The following HPN variants were observed in gnomAD, a reference collection of about 807,000 sequenced individuals.
The protein encoded by HPN is hepsin.
A neutral mutation model predicts 55.9 loss-of-function variants in HPN; 13 were observed. The observed-to-expected ratio is 0.23, with a 90% confidence interval of 0.15 to 0.37. HPN has a LOEUF of 0.37. Among genes scored for constraint, HPN ranks in the 10% least tolerant of loss-of-function variants. The probability of loss-of-function intolerance (pLI) is 1.00; values close to 1 mark genes in which losing one functional copy is unlikely to be tolerated. For synonymous variants in HPN, 225 were observed against 240.3 expected (o/e 0.94, Z 0.59); for missense variants, 451 against 575.8 (o/e 0.78, Z 2.22).
intron 4 of HPN, among the ~76,000 whole-genome samples, chr19:35,054,156 G>A (rs1008889231): frequency 6.6e-6 from 1 of 152,186 alleles, no homozygotes; most frequent in Non-Finnish European, 1.5e-5. Context: ...AGTGGCTCAC[G>A]CCTGTAATCC....
At chr19:35,059,368 G>A in intron 4 of HPN, 1 of 505,402 alleles carries the variant, frequency 2.0e-6, no homozygotes, top group South Asian at 1.9e-5. Flanking sequence ...TGTGGTCCTA[G>A]CTACTCAGGA....
chr19:35,042,399 ACTGGG>A (rs2064303361), intron 1 of HPN, 49 bp from the exon 2 acceptor site: 1 of 1,508,998 alleles, frequency 6.6e-7, no homozygotes, highest in Non-Finnish European at 8.9e-7. Context: ...GGGCGCCAGG[ACTGGG>A]CTGGGCTGGG....
chr19:35,064,575 C>T (rs1261758982), intron 9 of HPN, among the ~76,000 whole-genome samples: 1 of 151,876 alleles, frequency 6.6e-6, no homozygotes, highest in Non-Finnish European at 1.5e-5. Context: ...CTGCAGTGAG[C>T]CATGTTCCTG....
chr19:35,066,412 TC>T lies in HPN; in HGVS notation c.*127del. 1 of 1,312,378 alleles carries T rather than the reference TC, an allele frequency of 7.6e-7. No homozygotes were observed. The highest frequency in any genetic ancestry group is 1.0e-6 in the Non-Finnish European group (1 of 956,498). 81.3% of individuals were successfully genotyped at this position (1,312,378 alleles called of 1,614,324 possible). On this transcript the variant is annotated 3_prime_UTR_variant, in exon 13 of 13. Coordinates refer to ENST00000672452, the MANE Select transcript of HPN (RefSeq NM_001384133.1). Reference sequence around the variant, plus strand: ...TCCACAGGTCCAAGGACACCCTCCCTCCAGGGTCCTCTCTTCCACAGTGGCG... The same window carrying T: ...TCCACAGGTCCAAGGACACCCTCCCTCAGGGTCCTCTCTTCCACAGTGGCG...
At chr19:35,055,418 CAGGGAGAAGGAAAGGA>C (rs921023035) in intron 4 of HPN, among the ~76,000 whole-genome samples, 5 of 148,660 alleles carry the variant, frequency 3.4e-5, no homozygotes, top group African/African-American at 1.2e-4. Context: ...AAAAAAGTGG[CAGGGAGAAGGAAAGGA>C]AAGGACAAAG....
At chr19:35,043,592 G>A (rs757642565) in intron 2 of HPN, among the ~76,000 whole-genome samples, 1 of 152,222 alleles carries the variant, frequency 6.6e-6, no homozygotes, top group Non-Finnish European at 1.5e-5. Flanking sequence ...AGGAAGCACT[G>A]AGCGTGTTGG....
chr19:35,040,729 G>A (rs66878130), upstream of HPN, among the ~76,000 whole-genome samples: 21,965 of 152,176 alleles, frequency 0.14, 1,723 homozygotes, highest in Middle Eastern at 0.28. Context: ...TCTCTGGAGA[G>A]GTGGGCGCTG....
At chr19:35,059,400 T>C in intron 4 of HPN, 1 of 567,684 alleles carries the variant, frequency 1.8e-6, no homozygotes, top group Admixed American at 2.5e-5. Flanking sequence ...GAGGATTTCT[T>C]GAGTCTGGGA....
chr19:35,054,389 G>C (rs911673875), intron 4 of HPN, among the ~76,000 whole-genome samples: 1 of 147,564 alleles, frequency 6.8e-6, no homozygotes, highest in Non-Finnish European at 1.5e-5. Context: ...CTGCACTCCA[G>C]CCTGAGCAAC....
At position 35,059,945 on chromosome 19, in the gene HPN, A is replaced by C. The variant is rs372299007; in HGVS notation, c.362A>C (p.Asp121Ala). 1.8e-5 allele frequency: 28 copies of C among 1,542,546 alleles called. No homozygotes were observed. The highest frequency in any genetic ancestry group is 2.4e-5 in the Non-Finnish European group (28 of 1,145,426). The change falls in exon 6 of 13, where the codon GAC becomes GCC. Residue 121 changes from aspartate to alanine, a missense_variant. This residue lies in a region of HPN where 378 missense variants were observed against 445.5 expected (regional missense o/e 0.85). Coordinates refer to ENST00000672452, the MANE Select transcript of HPN (RefSeq NM_001384133.1). ...ANGTSGFFCV[D>A]EGRLPHTQRL... is the part of the protein sequence containing the mutation. ...GGCACGTCGGGCTTCTTCTGTGTGG[A>C]CGAGGGGAGGCTGCCCCACACCCAG...
upstream of HPN, among the ~76,000 whole-genome samples, chr19:35,040,919 G>A (rs2064287170): frequency 6.6e-6 from 1 of 152,196 alleles, no homozygotes; most frequent in South Asian, 2.1e-4. Flanking sequence ...TGTGCGGGTG[G>A]CCTATCTGGG....
In HPN at chr19:35,057,254, G is replaced by A. The variant is rs191775445; in HGVS notation, c.161-2419G>A. 2.1e-3 allele frequency among the ~76,000 whole-genome samples: 314 copies of A among 151,564 alleles called. 1 individual carries two copies. Among genetic ancestry groups the A allele is most frequent in the African/African-American group, 7.1e-3 (296 of 41,414 alleles). Reference sequence around the variant, plus strand: ...AGCCTGGCCAACATGGTGAAACCCCGTGTCTACTAAAAATACAAAAAATTA... The same window carrying A: ...AGCCTGGCCAACATGGTGAAACCCCATGTCTACTAAAAATACAAAAAATTA... On this transcript the variant is annotated intron_variant, in intron 4 of 12. Transcript: ENST00000672452.
intron 12 of HPN, 99 bp downstream of exon 12, chr19:35,066,131 C>G: frequency 6.2e-7 from 1 of 1,612,888 alleles, no homozygotes; most frequent in Non-Finnish European, 8.5e-7. Flanking sequence ...ACGCTCAGGC[C>G]TAGAAGAGGG....
intron 2 of HPN, among the ~76,000 whole-genome samples, chr19:35,048,082 A>AAGAGAAAAAAGG (rs111546288): frequency 1.0e-5 from 1 of 96,984 alleles, no homozygotes; most frequent in Non-Finnish European, 2.1e-5. Context: ...GAAAGAAAGA[A>AAGAGAAAAAAGG]AAGGAAGGAA....
chr19:35,046,290 G>C (rs2064341212), intron 2 of HPN, among the ~76,000 whole-genome samples: 2 of 151,644 alleles, frequency 1.3e-5, no homozygotes, highest in African/African-American at 4.8e-5. Context: ...TGTTGCCCAG[G>C]CTAGAGTACA....
intron 6 of HPN, 40 bp downstream of exon 6, chr19:35,060,036 C>G: frequency 6.2e-7 from 1 of 1,612,026 alleles, no homozygotes. Context: ...CACCTCAGAC[C>G]CCCAAGGCAC....
intron 4 of HPN, among the ~76,000 whole-genome samples, chr19:35,056,881 G>T (rs186982312): frequency 4.0e-5 from 6 of 151,570 alleles, no homozygotes; most frequent in Middle Eastern, 3.4e-3. Flanking sequence ...CTGCATAAAA[G>T]AGCATTATTG....
upstream of HPN, chr19:35,041,653 C>T (rs2064294435): frequency 3.5e-6 from 4 of 1,157,948 alleles, no homozygotes; most frequent in African/African-American, 5.0e-5. Context: ...GCCTCCAGTG[C>T]TGCCAATCGA....
In HPN at chr19:35,066,521, A is replaced by G; in HGVS notation, c.*234A>G. 1.8e-6 allele frequency: 1 copy of G among 569,974 alleles called. No homozygotes were observed. Among genetic ancestry groups the G allele is most frequent in the Non-Finnish European group, 3.1e-6 (1 of 323,704 alleles). 35.3% of individuals were successfully genotyped at this position (569,974 alleles called of 1,614,324 possible). On this transcript the variant is annotated 3_prime_UTR_variant, in exon 13 of 13. Transcript: ENST00000672452. ...GTTCTGCTGTCTGGGACTCCTGTCT[A>G]GGTGCCCCTGATGACGGGATGCTCT...
Sources: allele counts gnomAD v4.1 joint callset (sites outside exome capture counted in the v4.1 genomes callset), GRCh38; gene constraint gnomAD v4.1.1; regional missense constraint gnomAD v4.1.1; transcripts MANE v1.5; gene names NCBI Gene and HGNC (gene_info 2026-07-23, HGNC 2026-07-21).